Variants in PARN observed in about 807,000 individuals in gnomAD.
PARN encodes the protein poly(A)-specific ribonuclease PARN.
A neutral mutation model predicts 102.8 loss-of-function variants in PARN; 71 were observed. The ratio of observed to expected loss-of-function variants is 0.69; its 90% CI spans 0.57 to 0.84. The LOEUF (loss-of-function observed/expected upper bound fraction) is 0.84. PARN is among the 40% of genes least tolerant of loss of function. The pLI is 0.00. For synonymous variants in PARN, 261 were observed against 252.9 expected (o/e 1.03, Z -0.30); for missense variants, 782 against 760.9 (o/e 1.03, Z -0.33).
rs911574135 is a variant in PARN at position 14,626,658 on chromosome 16, C to T, written c.327+448G>A. On this transcript the variant is annotated intron_variant, in intron 5 of 23. Coordinates refer to ENST00000437198, the MANE Select transcript of PARN (RefSeq NM_002582.4). ...CCAGAGTCTCGCTCTGTTGCCCAAG[C>T]TGGAGTGCAGGGGCGTGATCTCGGC... 4.0e-5 allele frequency among the ~76,000 whole-genome samples: 6 copies of T among 151,406 alleles called. No individual in the cohort carries two copies. The East Asian group carries it at 1.2e-3, about 29-fold the overall frequency.
chr16:14,627,133 G>T lies in PARN; in HGVS notation c.300C>A (p.Ser100=). 1 of 1,603,490 alleles carries T rather than the reference G, an allele frequency of 6.2e-7. No individual in the cohort carries two copies. The highest frequency in any genetic ancestry group is 8.5e-7 in the Non-Finnish European group (1 of 1,171,514). ...FYVFPKPFNR[S]SPDVKFVCQS... is the part of the protein sequence containing the mutation. ...GACAAACAAATTTGACATCTGGTGA[G>T]GATCTATTGAAGGGTTTCGGGAAAA... The change falls in exon 5 of 24, where the codon TCC becomes TCA. Residue 100 remains serine (S), a synonymous_variant. Transcript: ENST00000437198.
intron 23 of PARN, among the ~76,000 whole-genome samples, chr16:14,443,249 T>A (rs938165644): frequency 3.9e-5 from 6 of 152,166 alleles, no homozygotes; most frequent in Non-Finnish European, 1.5e-5. Context: ...TAATTCTTAG[T>A]GTATCTTCGA....
chr16:14,613,890 C>G (rs1971691948), intron 6 of PARN, among the ~76,000 whole-genome samples: 1 of 152,104 alleles, frequency 6.6e-6, no homozygotes, highest in Admixed American at 6.5e-5. Context: ...TGGAAGTCAA[C>G]AGATTGCTGA....
At chr16:14,568,999 G>A (rs1444281267) in intron 18 of PARN, among the ~76,000 whole-genome samples, 1 of 151,926 alleles carries the variant, frequency 6.6e-6, no homozygotes, top group Non-Finnish European at 1.5e-5. Context: ...ATCACTTGAG[G>A]CCAAGAGTTC....
chr16:14,583,114 G>A (rs1200593302), intron 16 of PARN, among the ~76,000 whole-genome samples: 10 of 152,244 alleles, frequency 6.6e-5, no homozygotes, highest in Non-Finnish European at 1.0e-4. Context: ...AGCAAAGACC[G>A]CTTTATATAC....
chr16:14,561,172 AAAAG>A (rs1273518250), intron 18 of PARN, among the ~76,000 whole-genome samples: 1 of 151,978 alleles, frequency 6.6e-6, no homozygotes, highest in Non-Finnish European at 1.5e-5. Flanking sequence ...AAAAAAAAAA[AAAAG>A]AAAAGGGCGG....
chr16:14,440,634 G>C (rs1960900676), intron 23 of PARN, among the ~76,000 whole-genome samples: 1 of 152,202 alleles, frequency 6.6e-6, no homozygotes, highest in Non-Finnish European at 1.5e-5. Context: ...TGGATAAATA[G>C]TGATACCTGT....
In PARN at chr16:14,535,013, T is replaced by C. The variant is rs541321607; in HGVS notation, c.1480+17008A>G. On this transcript the variant is annotated intron_variant, in intron 21 of 23. Coordinates refer to ENST00000437198, the MANE Select transcript of PARN (RefSeq NM_002582.4). ...CCATGCCCGGCTAATTTTGTATTTT[T>C]AGTAGAGACAGGGTTTCTCCATGTT... is the stretch of plus-strand genomic sequence containing the variant. Among the ~76,000 whole-genome samples the C allele has an allele frequency of 2.6e-5, 4 of 152,254 alleles. No individual in the cohort carries two copies. In the East Asian group the frequency reaches 7.7e-4, roughly 29 times the overall value.
At chr16:14,558,688 A>G (rs1301335399) in intron 18 of PARN, among the ~76,000 whole-genome samples, 2 of 152,222 alleles carry the variant, frequency 1.3e-5, no homozygotes, top group African/African-American at 4.8e-5. Flanking sequence ...AGCAACCAAA[A>G]TAACTACGAA....
At chr16:14,609,810 T>C (rs1971411930) in intron 7 of PARN, among the ~76,000 whole-genome samples, 1 of 152,222 alleles carries the variant, frequency 6.6e-6, no homozygotes, top group Non-Finnish European at 1.5e-5. Context: ...ATGGACATGC[T>C]ACAGGCTGGA....
chr16:14,597,134 G>A (rs948464794), intron 12 of PARN, among the ~76,000 whole-genome samples: 12 of 152,060 alleles, frequency 7.9e-5, no homozygotes, highest in African/African-American at 2.7e-4. Context: ...TAGAAAGGAC[G>A]AAGGAAATAT....
In PARN at chr16:14,630,233, G is replaced by C. The variant is rs962745992; in HGVS notation, c.-108C>G. 1.0e-6 allele frequency: 1 copy of C among 976,496 alleles called. No homozygotes were observed. The highest frequency in any genetic ancestry group is 1.7e-5 in the African/African-American group (1 of 59,282). 60.5% of individuals were successfully genotyped at this position (976,496 alleles called of 1,614,324 possible). On this transcript the variant is annotated 5_prime_UTR_variant, in exon 1 of 24. Coordinates refer to ENST00000437198, the MANE Select transcript of PARN (RefSeq NM_002582.4). ...CGGCAGTAGCTGAGGCAGCCGCAGC[G>C]GTGACGCCGGCCGCGACTTCCGGAA...
In PARN at chr16:14,552,003, G is replaced by A; in HGVS notation, c.1480+18C>T. 1 of 1,582,410 alleles carries A rather than the reference G, an allele frequency of 6.3e-7. No individual in the cohort carries two copies. The highest frequency in any genetic ancestry group is 8.7e-7 in the Non-Finnish European group (1 of 1,152,546). On this transcript the variant is annotated intron_variant, in intron 21 of 23. Coordinates refer to ENST00000437198, the MANE Select transcript of PARN (RefSeq NM_002582.4). ...CTCACTGTATTTAATACACAAAACAGAAATCCAAAACACTTACCAATCTTT... is the reference window on the plus strand; with the variant it reads ...CTCACTGTATTTAATACACAAAACAAAAATCCAAAACACTTACCAATCTTT...
chr16:14,514,106 T>A (rs897474777), intron 21 of PARN, among the ~76,000 whole-genome samples: 10 of 152,170 alleles, frequency 6.6e-5, no homozygotes, highest in African/African-American at 2.4e-4. Context: ...AAGGAAACAA[T>A]CAGTGCTTCA....
chr16:14,613,263 T>G (rs1484160815), intron 6 of PARN, among the ~76,000 whole-genome samples: 1 of 141,800 alleles, frequency 7.1e-6, no homozygotes, highest in Non-Finnish European at 1.5e-5. Flanking sequence ...GAGTCAAGAT[T>G]GCACCATTCC....
chr16:14,442,926 T>G (rs988378572), intron 23 of PARN, among the ~76,000 whole-genome samples: 17 of 152,244 alleles, frequency 1.1e-4, no homozygotes, highest in African/African-American at 3.9e-4. Context: ...AAGTCTAGAT[T>G]GGTAATTGTT....
At chr16:14,546,591 G>T (rs1237122788) in intron 21 of PARN, among the ~76,000 whole-genome samples, 1 of 152,102 alleles carries the variant, frequency 6.6e-6, no homozygotes, top group Non-Finnish European at 1.5e-5. Context: ...ATGTGAAAAA[G>T]CTCTTTTTCT....
At chr16:14,492,422 C>CT (rs1396911677) in intron 21 of PARN, among the ~76,000 whole-genome samples, 1 of 152,152 alleles carries the variant, frequency 6.6e-6, no homozygotes, top group Non-Finnish European at 1.5e-5. Context: ...TTACAGACAG[C>CT]TTCCACAGAT....
At chr16:14,473,052 C>T (rs576469715) in intron 22 of PARN, among the ~76,000 whole-genome samples, 4 of 152,128 alleles carry the variant, frequency 2.6e-5, no homozygotes, top group East Asian at 1.9e-4. Context: ...CAGAAAGAGA[C>T]GGAAGGCAGA....
Sources: allele counts gnomAD v4.1 joint callset (sites outside exome capture counted in the v4.1 genomes callset), GRCh38; gene constraint gnomAD v4.1.1; transcripts MANE v1.5; gene names NCBI Gene and HGNC (gene_info 2026-07-23, HGNC 2026-07-21).